Variants in GALNT13 observed in about 807,000 individuals in gnomAD.
GALNT13 encodes the protein UDP-GalNAc:polypeptide N-acetylgalactosaminyltransferase 13.
Under a neutral mutation model 64.2 loss-of-function variants are expected in GALNT13, and 28 were observed. That is an observed-to-expected ratio of 0.44 (90% confidence interval 0.32 to 0.60). The LOEUF (loss-of-function observed/expected upper bound fraction) is 0.60, where lower values mean the gene tolerates loss of function less well. Among genes scored for constraint, GALNT13 ranks in the 20% least tolerant of loss-of-function variants. The pLI is 0.05. For missense variants in GALNT13, 577 were observed against 669.8 expected, an observed-to-expected ratio of 0.86 and a Z score of 1.53; for synonymous variants, 214 against 224.6, an observed-to-expected ratio of 0.95 and a Z score of 0.42.
intron 3 of GALNT13, among the ~76,000 whole-genome samples, chr2:153,958,035 T>C (rs1692695402): frequency 6.6e-6 from 1 of 152,220 alleles, no homozygotes; most frequent in Non-Finnish European, 1.5e-5. Flanking sequence ...TCACTTCCGT[T>C]AGGTATCTCC....
At chr2:153,715,658 T>A in the GALNT13 span, among the ~76,000 whole-genome samples, 1 of 152,212 alleles carries the variant, frequency 6.6e-6, no homozygotes, top group South Asian at 2.1e-4. Context: ...TATAAAGCAT[T>A]CCAGCAGGCT....
At chr2:154,279,844 A>G (rs1691862823) in intron 8 of GALNT13, among the ~76,000 whole-genome samples, 1 of 152,050 alleles carries the variant, frequency 6.6e-6, no homozygotes, top group Admixed American at 6.6e-5. Flanking sequence ...TTTCCTTCTT[A>G]GGATGTTTGT....
rs568158819 is a variant in GALNT13, at chr2:153,958,080, A to G, written c.142+13441A>G. Among the ~76,000 whole-genome samples the G allele has an allele frequency of 8.5e-5, 13 of 152,290 alleles. No homozygotes were observed. The South Asian group carries it at 1.2e-3, about 15-fold the overall frequency. ...CACAGGTTTGACTTTAGATGCTGGT[A>G]TGGGGCTGACTCCTGGTGGTACTGG... On this transcript the variant is annotated intron_variant, in intron 3 of 12. Transcript: ENST00000392825.
At chr2:154,377,740 CA>C (rs368983226) in intron 9 of GALNT13, among the ~76,000 whole-genome samples, 3 of 152,126 alleles carry the variant, frequency 2.0e-5, no homozygotes, top group African/African-American at 7.2e-5. Context: ...ATGAAACAGA[CA>C]AAATATTTTT....
the GALNT13 span, among the ~76,000 whole-genome samples, chr2:153,542,107 C>G: frequency 6.6e-6 from 1 of 152,144 alleles, no homozygotes; most frequent in Non-Finnish European, 1.5e-5. Context: ...CACCTGATGT[C>G]AGGAGTTCAA....
At chr2:153,887,947 T>C (rs544816469) in intron 1 of GALNT13, among the ~76,000 whole-genome samples, 1 of 152,180 alleles carries the variant, frequency 6.6e-6, no homozygotes, top group African/African-American at 2.4e-5. Flanking sequence ...TTATTTTCGG[T>C]ATGTGATATC....
At chr2:153,099,118 AAAAC>A in the GALNT13 span, among the ~76,000 whole-genome samples, 1 of 152,190 alleles carries the variant, frequency 6.6e-6, no homozygotes, top group African/African-American at 2.4e-5. Flanking sequence ...ATCTCAAAAC[AAAAC>A]AAACAAACAA....
the GALNT13 span, among the ~76,000 whole-genome samples, chr2:153,842,579 A>G: frequency 6.6e-6 from 1 of 152,220 alleles, no homozygotes; most frequent in African/African-American, 2.4e-5. Context: ...TGCCTGCTAA[A>G]GAGTAAAACT....
At chr2:154,119,447 T>G (rs1414034048) in intron 3 of GALNT13, among the ~76,000 whole-genome samples, 1 of 152,176 alleles carries the variant, frequency 6.6e-6, no homozygotes, top group Non-Finnish European at 1.5e-5. Flanking sequence ...GTGCTTCCCC[T>G]ACCTGGGAGT....
the GALNT13 span, among the ~76,000 whole-genome samples, chr2:153,514,853 A>G: frequency 2.7e-4 from 41 of 152,268 alleles, 1 homozygote; most frequent in South Asian, 7.9e-3. Context: ...TTAGTGGCCA[A>G]TCATCCTGGT....
chr2:154,430,072 A>T (rs1231241104), intron 11 of GALNT13, among the ~76,000 whole-genome samples: 1 of 152,202 alleles, frequency 6.6e-6, no homozygotes, highest in East Asian at 1.9e-4. Flanking sequence ...GTACAAGGAG[A>T]TTAATGTTTT....
Position 154,301,605 on chromosome 2 carries a change from A to G in GALNT13, c.1156+16A>G, listed in dbSNP as rs764303873. On this transcript the variant is annotated intron_variant, in intron 9 of 12. Transcript: ENST00000392825. Reference sequence around the variant, plus strand: ...ATATCCCCAGGTACACAATTCTGACATTTTTCTTTCTCTACAGGAGAAAAT... The same window carrying G: ...ATATCCCCAGGTACACAATTCTGACGTTTTTCTTTCTCTACAGGAGAAAAT... 7 of 1,565,806 alleles carry G rather than the reference A, an allele frequency of 4.5e-6. No homozygotes were observed. In the East Asian group the frequency reaches 1.1e-4, roughly 25 times the overall value.
At chr2:153,485,368 A>C in the GALNT13 span, among the ~76,000 whole-genome samples, 1 of 152,184 alleles carries the variant, frequency 6.6e-6, no homozygotes, top group Non-Finnish European at 1.5e-5. Context: ...TTAAACTTAG[A>C]AAGTTCACTC....
intron 1 of GALNT13, among the ~76,000 whole-genome samples, chr2:153,878,617 G>C (rs79169751): frequency 1.3e-5 from 2 of 152,188 alleles, no homozygotes; most frequent in Non-Finnish European, 2.9e-5. Context: ...CTGACACTAA[G>C]ATGGTGCCAC....
the GALNT13 span, among the ~76,000 whole-genome samples, chr2:153,668,506 G>A: frequency 4.3e-3 from 660 of 152,186 alleles, 2 homozygotes; most frequent in African/African-American, 0.015. Flanking sequence ...AGGAACACTT[G>A]CCACTGAGGA....
the GALNT13 span, among the ~76,000 whole-genome samples, chr2:153,850,801 G>A: frequency 1.3e-5 from 2 of 152,256 alleles, no homozygotes; most frequent in Non-Finnish European, 2.9e-5. Flanking sequence ...TAGAAGAAAA[G>A]ATTAGTTAAG....
the GALNT13 span, among the ~76,000 whole-genome samples, chr2:153,701,830 A>G: frequency 3.3e-5 from 5 of 152,308 alleles, no homozygotes; most frequent in Admixed American, 2.0e-4. Context: ...TCAAGAAACA[A>G]AAGATGCTGG....
chr2:153,158,107 C>T, the GALNT13 span, among the ~76,000 whole-genome samples: 1 of 152,072 alleles, frequency 6.6e-6, no homozygotes, highest in Non-Finnish European at 1.5e-5. Context: ...TAAAATTAGT[C>T]CAAAAGTTAG....
At chr2:154,356,211 T>C (rs986474636) in intron 9 of GALNT13, among the ~76,000 whole-genome samples, 8 of 152,010 alleles carry the variant, frequency 5.3e-5, no homozygotes, top group Admixed American at 5.3e-4. Flanking sequence ...CAAGTTAATT[T>C]AAATCTAACT....
Sources: gnomAD v4.1 joint callset for allele counts (sites outside exome capture counted in the v4.1 genomes callset) on GRCh38, gnomAD v4.1.1 for gene constraint, MANE v1.5 for transcripts, NCBI Gene and HGNC (gene_info 2026-07-23, HGNC 2026-07-21) for gene names.